Variants in ANO3 observed in about 807,000 individuals in gnomAD.
ANO3 encodes anoctamin 3.
Under a neutral mutation model 144.8 loss-of-function variants are expected in ANO3, and 99 were observed. The ratio of observed to expected loss-of-function variants is 0.68; its 90% confidence interval spans 0.58 to 0.81. The LOEUF (loss-of-function observed/expected upper bound fraction) is 0.81, where lower values mean the gene tolerates loss of function less well. ANO3 is among the 30% of genes least tolerant of loss of function. ANO3 has a pLI of 0.00. For missense variants in ANO3, 905 were observed against 1,202.2 expected, an observed-to-expected ratio of 0.75 and a Z score of 3.66; for synonymous variants, 414 against 392.6, an observed-to-expected ratio of 1.05 and a Z score of -0.64.
chr11:26,331,993 C>G, upstream of ANO3: 1 of 798,660 alleles, frequency 1.3e-6, no homozygotes, highest in Non-Finnish European at 1.9e-6. Flanking sequence ...GCCAACCCCG[C>G]TCAACGCCCA....
At chr11:26,415,056 ATGTGTGTGTGTGTG>A (rs149901742) in intron 1 of ANO3, among the ~76,000 whole-genome samples, 5 of 145,568 alleles carry the variant, frequency 3.4e-5, no homozygotes, top group South Asian at 2.2e-4. Context: ...ATTGGTGTGT[ATGTGTGTGTGTGTG>A]TGTGTGTGTG....
At chr11:26,524,347 A>C (rs1218751829) in intron 6 of ANO3, among the ~76,000 whole-genome samples, 5 of 152,214 alleles carry the variant, frequency 3.3e-5, no homozygotes, top group Non-Finnish European at 7.3e-5. Context: ...GGACAACTTT[A>C]AAATTATTTT....
In ANO3 at chr11:26,463,085, A is replaced by G; in HGVS notation, c.369A>G (p.Arg123=). The G allele has an allele frequency of 6.3e-7, 1 of 1,598,606 alleles. No individual in the cohort carries two copies. The change falls in exon 4 of 27, where the codon CGA becomes CGG. Residue 123 remains arginine (R), a synonymous_variant. Coordinates refer to ENST00000256737, the MANE Select transcript of ANO3 (RefSeq NM_031418.4). ...TDESEHATYD[R]SRLINDFVIK... ...AATCAGAACACGCTACTTATGACCG[A>G]TCTCGTCTCATTAATGACTTTGTTA...
intron 3 of ANO3, among the ~76,000 whole-genome samples, chr11:26,455,096 G>A (rs959023911): frequency 6.6e-6 from 1 of 152,114 alleles, no homozygotes; most frequent in Non-Finnish European, 1.5e-5. Context: ...AGCTATTTAT[G>A]ACAGACCCAC....
intron 3 of ANO3, among the ~76,000 whole-genome samples, chr11:26,461,159 G>A (rs369584928): frequency 1.3e-5 from 2 of 152,024 alleles, no homozygotes; most frequent in East Asian, 3.9e-4. Flanking sequence ...GGAAGGAAAG[G>A]GGGAGAAAGG....
intron 1 of ANO3, among the ~76,000 whole-genome samples, chr11:26,383,034 T>C (rs1856628610): frequency 1.3e-5 from 2 of 152,178 alleles, no homozygotes; most frequent in Admixed American, 1.3e-4. Flanking sequence ...GAAACAGGTA[T>C]CCACTCATGG....
intron 4 of ANO3, among the ~76,000 whole-genome samples, chr11:26,468,049 CA>C (rs1183487398): frequency 1.3e-5 from 2 of 151,844 alleles, no homozygotes; most frequent in African/African-American, 2.4e-5. Context: ...GTCCTACCAC[CA>C]AACTGTGTGA....
intron 24 of ANO3, among the ~76,000 whole-genome samples, chr11:26,653,485 T>G (rs2133089067): frequency 6.6e-6 from 1 of 152,220 alleles, no homozygotes; most frequent in South Asian, 2.1e-4. Flanking sequence ...TTGAATAATC[T>G]TACTTAAAAC....
chr11:26,498,531 A>G (rs1861059648), intron 4 of ANO3, among the ~76,000 whole-genome samples: 1 of 149,924 alleles, frequency 6.7e-6, no homozygotes, highest in African/African-American at 2.4e-5. Flanking sequence ...ATGATAGTCA[A>G]TAATTATTAA....
At chr11:26,529,175 TTAATAA>T (rs1461309211) in intron 7 of ANO3, among the ~76,000 whole-genome samples, 1 of 1,458 alleles carries the variant, frequency 6.9e-4, no homozygotes, top group African/African-American at 1.3e-3. Flanking sequence ...ATATATATTA[TTAATAA>T]TATATATTAT....
rs537027279 is a variant in ANO3, at chr11:26,361,046, G to A, written c.46+28725G>A. ...CTATTTAACTTTATACTCAGCATGT[G>A]ACAACATTTTATACTTGGTTTCCAG... On this transcript the variant is annotated intron_variant, in intron 1 of 26. Transcript: ENST00000256737. Among the ~76,000 whole-genome samples the A allele has an allele frequency of 8.3e-4, 127 of 152,258 alleles. 2 individuals are homozygous for A. The highest frequency in any genetic ancestry group is 2.9e-3 in the African/African-American group (122 of 41,548).
At chr11:26,370,857 G>A (rs1856233550) in intron 1 of ANO3, among the ~76,000 whole-genome samples, 1 of 152,154 alleles carries the variant, frequency 6.6e-6, no homozygotes, top group Non-Finnish European at 1.5e-5. Flanking sequence ...ATGTCTGGAA[G>A]AGAAATTTCT....
chr11:26,430,160 G>A (rs1178340253), intron 1 of ANO3, among the ~76,000 whole-genome samples: 1 of 151,606 alleles, frequency 6.6e-6, no homozygotes, highest in Non-Finnish European at 1.5e-5. Context: ...ACTCGAGAGG[G>A]TGAGGTAGGA....
chr11:26,564,728 C>CATATAT (rs1850474307), intron 14 of ANO3, among the ~76,000 whole-genome samples: 2 of 36,202 alleles, frequency 5.5e-5, no homozygotes, highest in African/African-American at 1.3e-4. Flanking sequence ...CACACACACA[C>CATATAT]ACACATATAT....
At chr11:26,600,659 C>A (rs1565134810) in intron 17 of ANO3, among the ~76,000 whole-genome samples, 1 of 135,848 alleles carries the variant, frequency 7.4e-6, no homozygotes, top group African/African-American at 2.8e-5. Flanking sequence ...TACCTTCTTT[C>A]CTTTCTCTCC....
chr11:26,594,699 C>T (rs1851557062), intron 14 of ANO3, among the ~76,000 whole-genome samples: 2 of 152,066 alleles, frequency 1.3e-5, no homozygotes, highest in Admixed American at 1.3e-4. Flanking sequence ...GGGGAAGGAG[C>T]TGGGAGAACA....
intron 14 of ANO3, among the ~76,000 whole-genome samples, chr11:26,574,346 GA>G (rs1850933353): frequency 6.6e-6 from 1 of 152,094 alleles, no homozygotes; most frequent in Non-Finnish European, 1.5e-5. Flanking sequence ...CAAACTAATT[GA>G]AAACATTGTT....
At chr11:26,212,748 A>G (rs1042468446) in intron 1 of ANO3, among the ~76,000 whole-genome samples, 1 of 152,100 alleles carries the variant, frequency 6.6e-6, no homozygotes, top group East Asian at 1.9e-4. Flanking sequence ...TATTCTAAAC[A>G]ATAGAAAAAG....
At chr11:26,391,281 C>T (rs975430262) in intron 1 of ANO3, among the ~76,000 whole-genome samples, 27 of 152,020 alleles carry the variant, frequency 1.8e-4, no homozygotes, top group African/African-American at 6.5e-4. Context: ...TATAACAGAC[C>T]CACTCTCATG....
Sources: allele counts gnomAD v4.1 joint callset (sites outside exome capture counted in the v4.1 genomes callset), GRCh38; gene constraint gnomAD v4.1.1; transcripts MANE v1.5; gene names NCBI Gene and HGNC (gene_info 2026-07-23, HGNC 2026-07-21).